ATP2B2: variants seen among roughly 807,000 people sequenced by gnomAD.
ATP2B2 encodes the protein plasma membrane calcium-transporting ATPase 2.
ATP2B2 carries 15 observed loss-of-function variants against 120.0 expected under a neutral mutation model. The observed-to-expected ratio is 0.12, with a 90% CI of 0.08 to 0.19. The LOEUF (loss-of-function observed/expected upper bound fraction) is 0.19, where lower values mean the gene tolerates loss of function less well. ATP2B2 is among the 10% of genes least tolerant of loss of function. The probability of loss-of-function intolerance (pLI) is 1.00; values close to 1 mark genes in which losing one functional copy is unlikely to be tolerated. For synonymous variants in ATP2B2, 694 were observed against 700.3 expected, an observed-to-expected ratio of 0.99 and a Z score of 0.14; for missense variants, 1,045 against 1,719.8, an observed-to-expected ratio of 0.61 and a Z score of 6.94.
At chr3:10,590,997 T>C (rs1176096521) in intron 2 of ATP2B2, among the ~76,000 whole-genome samples, 2 of 151,920 alleles carry the variant, frequency 1.3e-5, no homozygotes, top group Non-Finnish European at 2.9e-5. Flanking sequence ...CCTGTCCCTG[T>C]AGGTATGTGA....
intron 1 of ATP2B2, among the ~76,000 whole-genome samples, chr3:10,703,805 TGGCCCA>T: frequency 6.6e-6 from 1 of 152,232 alleles, no homozygotes; most frequent in Non-Finnish European, 1.5e-5. Flanking sequence ...AGTGAATGAC[TGGCCCA>T]TGAGGGCCCC....
In ATP2B2 at chr3:10,378,543, C is replaced by T. The variant is rs143185027; in HGVS notation, c.1043-133G>A. 1.5e-5 allele frequency: 18 copies of T among 1,231,386 alleles called. 1 individual carries two copies. The highest frequency in any genetic ancestry group is 1.1e-4 in the South Asian group (8 of 74,100). 76.3% of individuals were successfully genotyped at this position (1,231,386 alleles called of 1,614,324 possible). Reference sequence around the variant, plus strand: ...GGTGCTGACTGCCTGGACTGAGCCCCGCATGGCTGGTGCAGAAGTCCTGTG... The same window carrying T: ...GGTGCTGACTGCCTGGACTGAGCCCTGCATGGCTGGTGCAGAAGTCCTGTG... On this transcript the variant is annotated intron_variant, in intron 9 of 22. Coordinates refer to ENST00000360273, the MANE Select transcript of ATP2B2 (RefSeq NM_001001331.4).
At chr3:10,338,555 T>A (rs1244092045) in intron 21 of ATP2B2, among the ~76,000 whole-genome samples, 197 bp from the exon 22 acceptor site, 1 of 143,112 alleles carries the variant, frequency 7.0e-6, no homozygotes, top group Non-Finnish European at 1.5e-5. Flanking sequence ...TTTTTTGAGA[T>A]GGAGTTTCAC....
At chr3:10,499,455 G>C (rs552238488) in intron 1 of ATP2B2, among the ~76,000 whole-genome samples, 16 of 152,274 alleles carry the variant, frequency 1.1e-4, no homozygotes, top group South Asian at 4.1e-4. Context: ...CCCCTCCCAC[G>C]CATTACATGG....
chr3:10,579,805 G>A (rs543818913), intron 2 of ATP2B2, among the ~76,000 whole-genome samples: 17 of 66,172 alleles, frequency 2.6e-4, no homozygotes, highest in East Asian at 9.8e-4. Flanking sequence ...GCGAGACTCC[G>A]TCTTGAAAAC....
chr3:10,574,946 C>A (rs1439539984), intron 2 of ATP2B2, among the ~76,000 whole-genome samples: 3 of 152,128 alleles, frequency 2.0e-5, no homozygotes, highest in Non-Finnish European at 1.5e-5. Flanking sequence ...CAGCCATTCA[C>A]AAAGGGCTGG....
chr3:10,573,151 ATT>A (rs61701156), intron 2 of ATP2B2, among the ~76,000 whole-genome samples: 114 of 146,398 alleles, frequency 7.8e-4, no homozygotes, highest in Middle Eastern at 3.5e-3. Context: ...AGCCAAATAC[ATT>A]TTTTTTTTTT....
intron 2 of ATP2B2, among the ~76,000 whole-genome samples, chr3:10,618,956 G>C (rs553445476): frequency 6.6e-6 from 1 of 152,166 alleles, no homozygotes. Flanking sequence ...CACTGTGACA[G>C]GTTTGCAGGG....
At chr3:10,432,177 C>T (rs1346506885) in intron 2 of ATP2B2, among the ~76,000 whole-genome samples, 1 of 152,238 alleles carries the variant, frequency 6.6e-6, no homozygotes, top group East Asian at 1.9e-4. Flanking sequence ...TGCATGGCCT[C>T]GGGCACACTG....
intron 3 of ATP2B2, among the ~76,000 whole-genome samples, chr3:10,533,400 A>C (rs1430008007): frequency 1.3e-5 from 2 of 152,202 alleles, no homozygotes; most frequent in Non-Finnish European, 2.9e-5. Context: ...CTTTACATGA[A>C]TCATCTGCAA....
rs116656194 is a variant in ATP2B2 at position 10,449,983 on chromosome 3, C to T, written c.-319-121G>A. ...TAAACAACACTGACTACACCCATGC[C>T]CCCTAACACACCAGCTCACACTGTA... On this transcript the variant is annotated intron_variant, in intron 1 of 22. Coordinates refer to ENST00000360273, the MANE Select transcript of ATP2B2 (RefSeq NM_001001331.4). 1,115 of 304,908 alleles carry T rather than the reference C, an allele frequency of 3.7e-3. 14 individuals are homozygous for T. The highest frequency in any genetic ancestry group is 0.022 in the African/African-American group (1,015 of 46,346). 18.9% of individuals were successfully genotyped at this position (304,908 alleles called of 1,614,324 possible).
At chr3:10,487,223 C>A (rs1470614751) in intron 1 of ATP2B2, among the ~76,000 whole-genome samples, 1 of 152,104 alleles carries the variant, frequency 6.6e-6, no homozygotes, top group Admixed American at 6.5e-5. Flanking sequence ...ACAGCCTCTC[C>A]CCACAAGCAT....
At chr3:10,489,585 C>T (rs2065858254) in intron 1 of ATP2B2, among the ~76,000 whole-genome samples, 1 of 152,180 alleles carries the variant, frequency 6.6e-6, no homozygotes, top group South Asian at 2.1e-4. Flanking sequence ...CTCACCATCT[C>T]TGTCCCTTTC....
chr3:10,558,514 T>A (rs1199974222), intron 2 of ATP2B2, among the ~76,000 whole-genome samples: 1 of 152,144 alleles, frequency 6.6e-6, no homozygotes, highest in Non-Finnish European at 1.5e-5. Context: ...GAAGCCAGCA[T>A]AAGGGAGTCA....
At chr3:10,541,062 A>G (rs1559448873) in intron 2 of ATP2B2, among the ~76,000 whole-genome samples, 1 of 152,122 alleles carries the variant, frequency 6.6e-6, no homozygotes, top group Admixed American at 6.5e-5. Context: ...AGTTGTTCAT[A>G]GTATTCCTTA....
At chr3:10,655,009 A>G (rs1017262832) in intron 1 of ATP2B2, among the ~76,000 whole-genome samples, 2 of 152,164 alleles carry the variant, frequency 1.3e-5, no homozygotes, top group South Asian at 2.1e-4. Flanking sequence ...GAAGACCTGC[A>G]CAGTTTAAAA....
chr3:10,559,209 G>C (rs2067846627), intron 2 of ATP2B2, among the ~76,000 whole-genome samples: 1 of 152,160 alleles, frequency 6.6e-6, no homozygotes, highest in Admixed American at 6.5e-5. Context: ...GAGTGAGCTC[G>C]TGGAAGTAGA....
At chr3:10,486,754 CTG>C (rs1412322296) in intron 1 of ATP2B2, among the ~76,000 whole-genome samples, 1 of 152,176 alleles carries the variant, frequency 6.6e-6, no homozygotes, top group Admixed American at 6.5e-5. Context: ...GAGTCTCACT[CTG>C]TCGCCCAGGC....
At chr3:10,490,701 C>A (rs772898137) in intron 1 of ATP2B2, among the ~76,000 whole-genome samples, 25 of 152,098 alleles carry the variant, frequency 1.6e-4, no homozygotes, top group Non-Finnish European at 2.8e-4. Flanking sequence ...GCCCAGCAAT[C>A]CACAGCATTC....
Sources: allele counts gnomAD v4.1 joint callset (sites outside exome capture counted in the v4.1 genomes callset), GRCh38; gene constraint gnomAD v4.1.1; transcripts MANE v1.5; gene names NCBI Gene and HGNC (gene_info 2026-07-23, HGNC 2026-07-21).